The following SLC25A24 variants were observed in gnomAD, a reference collection of about 807,000 sequenced individuals.
The protein encoded by SLC25A24 is mitochondrial adenyl nucleotide antiporter SLC25A24.
SLC25A24 carries 49 observed loss-of-function variants against 60.7 expected under a neutral mutation model. That is an observed-to-expected ratio of 0.81 (90% CI 0.64 to 1.02). The LOEUF (loss-of-function observed/expected upper bound fraction) is 1.02, where lower values mean the gene tolerates loss of function less well. Among genes scored for constraint, SLC25A24 ranks in the 50% least tolerant of loss-of-function variants. The pLI is 0.00. For synonymous variants in SLC25A24, 202 were observed against 200.6 expected (o/e 1.01, Z -0.06); for missense variants, 564 against 586.3 (o/e 0.96, Z 0.39).
intron 3 of SLC25A24, among the ~76,000 whole-genome samples, chr1:108,174,628 G>A (rs1012842269): frequency 2.0e-5 from 3 of 152,214 alleles, no homozygotes; most frequent in Middle Eastern, 3.4e-3. Context: ...TAGATCCACC[G>A]ACAGCTTGCA....
intron 3 of SLC25A24, among the ~76,000 whole-genome samples, chr1:108,162,699 T>C (rs1405652827): frequency 6.6e-6 from 1 of 152,060 alleles, no homozygotes; most frequent in Non-Finnish European, 1.5e-5. Flanking sequence ...TATTAGCCCT[T>C]TGTCAGATGA....
chr1:108,153,642 C>A (rs10785835), intron 6 of SLC25A24, among the ~76,000 whole-genome samples: 76,843 of 151,852 alleles, frequency 0.51, 20,004 homozygotes, highest in African/African-American at 0.63. Context: ...CCCATAAGAA[C>A]ACTACACCAC....
chr1:108,140,805 A>G (rs1407084945), intron 8 of SLC25A24, among the ~76,000 whole-genome samples: 1 of 126,634 alleles, frequency 7.9e-6, no homozygotes, highest in Non-Finnish European at 1.7e-5. Context: ...GAAGGGAATC[A>G]GAACATATCA....
rs1381216529 is a variant in SLC25A24, at chr1:108,164,666, A to G, written c.399-3373T>C. Among the ~76,000 whole-genome samples, 27 of 149,914 alleles carry G rather than the reference A, an allele frequency of 1.8e-4. No individual in the cohort carries two copies. In the East Asian group the frequency reaches 5.1e-3, roughly 28 times the overall value. ...CCCTTTATCATTTTTTATTGTGTCT[A>G]TTTGATTCTTCTCTCTTTTTTTCTT... On this transcript the variant is annotated intron_variant, in intron 3 of 9. Coordinates refer to ENST00000565488, the MANE Select transcript of SLC25A24 (RefSeq NM_013386.5).
At chr1:108,161,417 C>G in intron 3 of SLC25A24, 124 bp from the exon 4 acceptor site, 1 of 631,570 alleles carries the variant, frequency 1.6e-6, no homozygotes, top group Non-Finnish European at 2.8e-6. Flanking sequence ...TTAAAAAACC[C>G]CATCCACAAA....
rs1679272128 is a variant in SLC25A24, at chr1:108,135,973, T to C, written c.*680A>G. 1 of 152,222 alleles carries C rather than the reference T, an allele frequency of 6.6e-6. No individual in the cohort carries two copies. Among genetic ancestry groups the C allele is most frequent in the Non-Finnish European group, 1.5e-5 (1 of 68,040 alleles). The allele number at this position is 152,222 out of a possible 1,614,324, so 9.4% of individuals were successfully genotyped here. A position where few individuals can be genotyped will look rare whatever the true frequency, so the allele number is the denominator to read the frequency against. Reference sequence around the variant, plus strand: ...AATCTTTCAAATAAATTGCCTTGTGTTGGTAATTTAACAGTAATATACTGA... The same window carrying C: ...AATCTTTCAAATAAATTGCCTTGTGCTGGTAATTTAACAGTAATATACTGA... On this transcript the variant is annotated 3_prime_UTR_variant, in exon 10 of 10. Coordinates refer to ENST00000565488, the MANE Select transcript of SLC25A24 (RefSeq NM_013386.5).
chr1:108,134,928 T>C lies in SLC25A24; in HGVS notation c.*1725A>G, dbSNP rs1385653939. ...CGGCTTTTTTCCAAAAGATACAGAA[T>C]CATTTTTTGGAAAAGATACAAGATG... On this transcript the variant is annotated 3_prime_UTR_variant, in exon 10 of 10. Transcript: ENST00000565488. 2.0e-5 allele frequency: 3 copies of C among 152,118 alleles called. No homozygotes were observed. The highest frequency in any genetic ancestry group is 2.0e-4 in the Admixed American group (3 of 15,270). The allele number at this position is 152,118 out of a possible 1,614,324, so 9.4% of individuals were successfully genotyped here. A position where few individuals can be genotyped will look rare whatever the true frequency, so the allele number is the denominator to read the frequency against.
intron 6 of SLC25A24, 36 bp from the exon 7 acceptor site, chr1:108,148,422 T>C (rs898685878): frequency 8.7e-7 from 1 of 1,147,674 alleles, no homozygotes; most frequent in Non-Finnish European, 1.3e-6. Flanking sequence ...CATTACTACC[T>C]GCTGTGGACT....
At chr1:108,182,322 T>C (rs1647959467) in intron 2 of SLC25A24, among the ~76,000 whole-genome samples, 1 of 152,192 alleles carries the variant, frequency 6.6e-6, no homozygotes, top group Non-Finnish European at 1.5e-5. Context: ...TACCAAGTAA[T>C]GTAATTAAGA....
chr1:108,154,355 C>T (rs1376810279), intron 6 of SLC25A24, among the ~76,000 whole-genome samples: 1 of 152,172 alleles, frequency 6.6e-6, no homozygotes, highest in Non-Finnish European at 1.5e-5. Flanking sequence ...AACTCTAAAA[C>T]TTACCTCTGT....
At chr1:108,162,613 T>C (rs1336056777) in intron 3 of SLC25A24, among the ~76,000 whole-genome samples, 1 of 152,184 alleles carries the variant, frequency 6.6e-6, no homozygotes, top group African/African-American at 2.4e-5. Context: ...TGTCTGTTCA[T>C]GTCCTTCACC....
intron 1 of SLC25A24, among the ~76,000 whole-genome samples, chr1:108,187,389 A>G (rs1012342488): frequency 3.9e-5 from 6 of 152,188 alleles, no homozygotes; most frequent in Admixed American, 1.3e-4. Flanking sequence ...AGGATTAACA[A>G]AGCCAAAAGA....
At position 108,155,114 on chromosome 1, in the gene SLC25A24, T is replaced by A. The variant is rs991574131; in HGVS notation, c.691A>T (p.Lys231Ter). Residue 231 changes from lysine (K) to a stop codon, truncating the protein, a stop_gained, in exon 6 of 10, where the codon AAA becomes TAA. Transcript: ENST00000565488. LOFTEE classifies it high-confidence loss of function. ...CGAAAGCCACCAAATATGTTCATTT[T>A]GTCTGATTTTGAACCGTGAACCTAA... ...MMQVHGSKSD[K>*]MNIFGGFRQM... The A allele has an allele frequency of 1.2e-6, 2 of 1,610,834 alleles. No individual in the cohort carries two copies.
At chr1:108,150,664 T>C (rs575456536) in intron 6 of SLC25A24, among the ~76,000 whole-genome samples, 3 of 152,294 alleles carry the variant, frequency 2.0e-5, no homozygotes, top group East Asian at 3.9e-4. Flanking sequence ...GCTACTCACA[T>C]ATTTTTTCTT....
chr1:108,159,730 C>G (rs1484540003), intron 4 of SLC25A24, among the ~76,000 whole-genome samples: 3 of 151,740 alleles, frequency 2.0e-5, no homozygotes, highest in African/African-American at 7.3e-5. Context: ...GCCCTTAATC[C>G]ATTTAACCCT....
Position 108,148,372 on chromosome 1 carries a change from A to G in SLC25A24, c.837T>C (p.Leu279=), listed in dbSNP as rs1357583793. 1 of 1,604,318 alleles carries G rather than the reference A, an allele frequency of 6.2e-7. No individual in the cohort carries two copies. The highest frequency in any genetic ancestry group is 2.2e-5 in the East Asian group (1 of 44,854). The part of the protein sequence containing the change: ...FWAYEQYKKL[L]TEEGQKIGTF... ...TTCCTATTTTTTGTCCTTCTTCAGT[A>G]AGTAACTTCTTGTACTGTATAAACA... The change falls in exon 7 of 10, where the codon CTT becomes CTC. Residue 279 remains leucine (L), a synonymous_variant. Transcript: ENST00000565488.
intron 5 of SLC25A24, among the ~76,000 whole-genome samples, chr1:108,156,746 C>T (rs768995516): frequency 7.9e-5 from 12 of 152,166 alleles, no homozygotes; most frequent in Non-Finnish European, 1.6e-4. Context: ...ATATTCTTAT[C>T]CCCATCCCAG....
chr1:108,155,716 T>C lies in SLC25A24; in HGVS notation c.670-581A>G, dbSNP rs186189404. 3.6e-3 allele frequency among the ~76,000 whole-genome samples: 552 copies of C among 152,204 alleles called. 16 individuals are homozygous for C. The highest frequency in any genetic ancestry group is 0.033 in the Admixed American group (507 of 15,294). On this transcript the variant is annotated intron_variant, in intron 5 of 9. Coordinates refer to ENST00000565488, the MANE Select transcript of SLC25A24 (RefSeq NM_013386.5). The stretch of plus-strand genomic sequence containing the variant: ...ACCAAAAATAAAAATTGCACCCTCT[T>C]TGGCATATTTTGAGGCCCTCTCTAG...
chr1:108,149,378 A>G (rs1257945270), intron 6 of SLC25A24, among the ~76,000 whole-genome samples: 1 of 152,166 alleles, frequency 6.6e-6, no homozygotes, highest in African/African-American at 2.4e-5. Context: ...CTGGAACTCC[A>G]GAGCCACGTG....
Sources: allele counts gnomAD v4.1 joint callset (sites outside exome capture counted in the v4.1 genomes callset), GRCh38; gene constraint gnomAD v4.1.1; transcripts MANE v1.5; gene names NCBI Gene and HGNC (gene_info 2026-07-23, HGNC 2026-07-21).